The following PRICKLE2 variants were observed in gnomAD, a reference collection of about 807,000 sequenced individuals.
PRICKLE2 encodes the protein prickle-like protein 2.
Under a neutral mutation model 81.4 loss-of-function variants are expected in PRICKLE2, and 21 were observed. The ratio of observed to expected loss-of-function variants is 0.26; its 90% CI spans 0.18 to 0.37. The LOEUF (loss-of-function observed/expected upper bound fraction) is 0.37. Ranked by LOEUF, PRICKLE2 falls within the 10% of genes least tolerant of loss-of-function variation. The pLI is 1.00. For missense variants in PRICKLE2, 940 were observed against 1,109.0 expected (o/e 0.85, Z 2.16); for synonymous variants, 456 against 421.5 (o/e 1.08, Z -1.00).
rs751427146 is a variant in PRICKLE2 at position 64,099,513 on chromosome 3, T to G, written c.2073A>C (p.Arg691=). ...GGAGGGCGTTGTCGGAGCGAGAGCGTCGGGAACGCCTGGACCTGTGAGGTC... is the reference window on the plus strand; with the variant it reads ...GGAGGGCGTTGTCGGAGCGAGAGCGGCGGGAACGCCTGGACCTGTGAGGTC... ...RFRPHRSRRS[R]RSRSDNALHL... is the part of the protein sequence containing the mutation. Residue 691 remains arginine (R), a synonymous_variant, in exon 8 of 8, where the codon CGA becomes CGC. Coordinates refer to ENST00000638394, the MANE Select transcript of PRICKLE2 (RefSeq NM_198859.4). The surrounding 1 kb of genome is among the most constrained non-coding windows in gnomAD (Gnocchi z 4.3). The G allele has an allele frequency of 1.2e-6, 2 of 1,600,976 alleles. No homozygotes were observed. The highest frequency in any genetic ancestry group is 1.7e-6 in the Non-Finnish European group (2 of 1,169,792).
At chr3:64,227,875 T>C (rs2079050962), upstream of PRICKLE2, among the ~76,000 whole-genome samples, 1 of 152,172 alleles carries the variant, frequency 6.6e-6, no homozygotes, top group Non-Finnish European at 1.5e-5. Context: ...CAGTTAAAAT[T>C]CAAAAGGTGG....
At chr3:64,249,157 A>T (rs1294353730) in intron 2 of PRICKLE2, among the ~76,000 whole-genome samples, 3 of 152,214 alleles carry the variant, frequency 2.0e-5, no homozygotes. Flanking sequence ...AACAGGAAGC[A>T]CAACTGGGAA....
In PRICKLE2 at chr3:64,096,322, T is replaced by G. The variant is rs1469991918; in HGVS notation, c.*2729A>C. On this transcript the variant is annotated 3_prime_UTR_variant, in exon 8 of 8. Coordinates refer to ENST00000638394, the MANE Select transcript of PRICKLE2 (RefSeq NM_198859.4). ...GTCCAATAAGAGTTAATGGTTGTGATGGAGGAATTAGGTGAGGACCTTAAG... is the reference window on the plus strand; with the variant it reads ...GTCCAATAAGAGTTAATGGTTGTGAGGGAGGAATTAGGTGAGGACCTTAAG... The G allele has an allele frequency of 6.6e-6, 1 of 152,212 alleles. No individual in the cohort carries two copies. Among genetic ancestry groups the G allele is most frequent in the Non-Finnish European group, 1.5e-5 (1 of 68,056 alleles). 9.4% of individuals were successfully genotyped at this position (152,212 alleles called of 1,614,324 possible). A position where few individuals can be genotyped will look rare whatever the true frequency, so the allele number is the denominator to read the frequency against.
intron 2 of PRICKLE2, among the ~76,000 whole-genome samples, chr3:64,266,688 C>A (rs960197745): frequency 2.0e-5 from 3 of 152,168 alleles, no homozygotes; most frequent in African/African-American, 7.2e-5. Flanking sequence ...TCTGTCTGTA[C>A]AGACAGGGCC....
rs569166868 is a variant in PRICKLE2, at chr3:64,135,838, A to G, written c.1660+10992T>C. Among the ~76,000 whole-genome samples the G allele has an allele frequency of 1.1e-4, 17 of 152,306 alleles. 1 individual carries two copies. In the South Asian group the frequency reaches 3.5e-3, roughly 32 times the overall value. ...GAAACTATTCTAGGTTAAACAATCA[A>G]ACACACAACAAACCAAGCTATCTTG... On this transcript the variant is annotated intron_variant, in intron 7 of 7. Transcript: ENST00000638394.
chr3:64,233,890 A>G (rs2079141805), intron 2 of PRICKLE2, among the ~76,000 whole-genome samples: 1 of 152,150 alleles, frequency 6.6e-6, no homozygotes. Context: ...GTCTCTATAG[A>G]GTTGCCTATT....
At chr3:64,228,788 T>C (rs2079063293), upstream of PRICKLE2, among the ~76,000 whole-genome samples, 5 of 152,188 alleles carry the variant, frequency 3.3e-5, no homozygotes, top group Admixed American at 3.3e-4. Context: ...GAGACAAGGA[T>C]GCAACTGTCG....
chr3:64,109,311 C>T (rs973552588), intron 7 of PRICKLE2, among the ~76,000 whole-genome samples: 4 of 152,204 alleles, frequency 2.6e-5, no homozygotes, highest in African/African-American at 7.2e-5. Context: ...CTATCAAGAA[C>T]TCCCCAGTTA....
chr3:64,135,302 G>A (rs973269201), intron 7 of PRICKLE2, among the ~76,000 whole-genome samples: 15 of 152,118 alleles, frequency 9.9e-5, no homozygotes, highest in Admixed American at 2.0e-4. Context: ...CATTCCTTGT[G>A]CATGGGAAAA....
chr3:64,108,397 C>T (rs1347180695), intron 7 of PRICKLE2, among the ~76,000 whole-genome samples: 2 of 152,194 alleles, frequency 1.3e-5, no homozygotes, highest in African/African-American at 2.4e-5. Context: ...ATTTCCTCAA[C>T]ATCCCGAACT....
chr3:64,217,844 A>G (rs1373932557), intron 1 of PRICKLE2, among the ~76,000 whole-genome samples: 1 of 152,236 alleles, frequency 6.6e-6, no homozygotes, highest in East Asian at 1.9e-4. Flanking sequence ...TGGTCAGGAC[A>G]TTTATAAGAG....
chr3:64,135,716 A>G (rs904815987), intron 7 of PRICKLE2, among the ~76,000 whole-genome samples: 7 of 146,564 alleles, frequency 4.8e-5, no homozygotes, highest in South Asian at 2.1e-4. Context: ...ACACACACAC[A>G]CACACACGCA....
At chr3:64,101,329 T>C (rs2076658092) in intron 7 of PRICKLE2, 1 of 152,196 alleles carries the variant, frequency 6.6e-6, no homozygotes, top group South Asian at 2.1e-4. Flanking sequence ...TGGATAAATA[T>C]ATTGTGGTTT....
upstream of PRICKLE2, among the ~76,000 whole-genome samples, chr3:64,227,334 C>G (rs1012213678): frequency 3.3e-5 from 5 of 152,144 alleles, no homozygotes; most frequent in Admixed American, 6.5e-5. Context: ...TTGGGGCCCC[C>G]AGTAGCCAAG....
intron 2 of PRICKLE2, among the ~76,000 whole-genome samples, chr3:64,189,139 C>T (rs997522324): frequency 3.5e-4 from 53 of 152,120 alleles, no homozygotes; most frequent in Non-Finnish European, 3.2e-4. Context: ...AGGTACGTGA[C>T]GCTGTCTGTA....
intron 2 of PRICKLE2, among the ~76,000 whole-genome samples, chr3:64,181,647 T>C (rs1466991896): frequency 6.6e-6 from 1 of 152,214 alleles, no homozygotes; most frequent in African/African-American, 2.4e-5. Context: ...ACCACATGTT[T>C]AGGAAGTAAC....
At chr3:64,204,635 G>GA (rs920863042) in intron 1 of PRICKLE2, among the ~76,000 whole-genome samples, 21 of 145,702 alleles carry the variant, frequency 1.4e-4, no homozygotes, top group South Asian at 4.4e-4. Flanking sequence ...GGAAGAAAAG[G>GA]AAAAAAAAAA....
At chr3:64,245,520 A>C (rs2079334544) in intron 2 of PRICKLE2, among the ~76,000 whole-genome samples, 2 of 152,062 alleles carry the variant, frequency 1.3e-5, no homozygotes, top group East Asian at 1.9e-4. Flanking sequence ...ACAATAGAAG[A>C]TCTTAAAGGA....
chr3:64,165,179 A>AC (rs2107050461), intron 2 of PRICKLE2, among the ~76,000 whole-genome samples: 1 of 151,784 alleles, frequency 6.6e-6, no homozygotes, highest in Non-Finnish European at 1.5e-5. Context: ...TTACTCACAT[A>AC]CCCCCTGTCC....
Sources: allele counts gnomAD v4.1 joint callset (sites outside exome capture counted in the v4.1 genomes callset), GRCh38; gene constraint gnomAD v4.1.1; non-coding constraint Gnocchi (gnomAD v3.1); transcripts MANE v1.5; gene names NCBI Gene and HGNC (gene_info 2026-07-23, HGNC 2026-07-21).